CHD1L: variants seen among roughly 807,000 people sequenced by gnomAD.
CHD1L encodes ATP-dependent chromatin remodeler CHD1L.
In CHD1L, 118 loss-of-function variants were observed where a neutral mutation model predicts 115.9. The observed-to-expected ratio is 1.02, with a 90% CI of 0.88 to 1.19. The LOEUF is 1.19. CHD1L is among the 50% of genes most tolerant of loss of function. The pLI, the probability that CHD1L is intolerant of heterozygous loss-of-function variation, is 0.00. For synonymous variants in CHD1L, 411 were observed against 387.1 expected, an observed-to-expected ratio of 1.06 and a Z score of -0.72; for missense variants, 1,179 against 1,065.3, an observed-to-expected ratio of 1.11 and a Z score of -1.49.
intron 2 of CHD1L, among the ~76,000 whole-genome samples, chr1:147,253,898 A>G (rs1320574217): frequency 7.2e-5 from 11 of 152,244 alleles, no homozygotes; most frequent in African/African-American, 2.4e-4. Flanking sequence ...CATTATCAAC[A>G]TTGCATAATA....
chr1:147,249,860 T>C (rs782484837), intron 1 of CHD1L, among the ~76,000 whole-genome samples: 20 of 152,156 alleles, frequency 1.3e-4, no homozygotes, highest in Non-Finnish European at 2.5e-4. Flanking sequence ...GTTAGATCTT[T>C]TGTGGTAGTC....
the CHD1L span, chr1:147,208,761 G>T: frequency 9.6e-7 from 1 of 1,039,982 alleles, no homozygotes. Context: ...CTTAATGTAT[G>T]GGTAGAGGTG....
chr1:147,269,270 T>C (rs1334925443), intron 10 of CHD1L, among the ~76,000 whole-genome samples: 2 of 152,212 alleles, frequency 1.3e-5, no homozygotes, highest in Admixed American at 1.3e-4. Context: ...AATTGACACA[T>C]AATGAAGGCT....
intron 15 of CHD1L, 31 bp downstream of exon 15, chr1:147,280,222 C>T (rs782200382): frequency 1.3e-6 from 2 of 1,529,626 alleles, no homozygotes; most frequent in Non-Finnish European, 1.8e-6. Flanking sequence ...GAGCAAATGG[C>T]ACAACCACCC....
the CHD1L span, among the ~76,000 whole-genome samples, chr1:147,191,577 G>T: frequency 6.6e-6 from 1 of 151,890 alleles, no homozygotes; most frequent in Non-Finnish European, 1.5e-5. Flanking sequence ...GTAGATTCTG[G>T]ATATTAGCCC....
chr1:147,273,859 GTT>G (rs2102706770), intron 12 of CHD1L, among the ~76,000 whole-genome samples: 1 of 152,210 alleles, frequency 6.6e-6, no homozygotes, highest in Admixed American at 6.5e-5. Context: ...TATTTAACAG[GTT>G]TCCTTCCAAA....
chr1:147,257,382 C>T (rs1670482146), intron 5 of CHD1L, among the ~76,000 whole-genome samples: 1 of 151,944 alleles, frequency 6.6e-6, no homozygotes, highest in African/African-American at 2.4e-5. Context: ...GATTTCATGA[C>T]TTCTATCTAG....
At chr1:147,205,378 A>G in the CHD1L span, among the ~76,000 whole-genome samples, 4 of 152,210 alleles carry the variant, frequency 2.6e-5, no homozygotes, top group Non-Finnish European at 4.4e-5. Flanking sequence ...TGTGAGATAA[A>G]CTGACATAAT....
intron 10 of CHD1L, among the ~76,000 whole-genome samples, chr1:147,269,593 C>A (rs1479436524): frequency 7.1e-6 from 1 of 141,784 alleles, no homozygotes; most frequent in South Asian, 2.3e-4. Flanking sequence ...CACTGGAACC[C>A]TAGAGGCAGA....
At chr1:147,184,445 T>C in the CHD1L span, 105 of 1,392,686 alleles carry the variant, frequency 7.5e-5, no homozygotes, top group Non-Finnish European at 9.1e-5. This position sits in a 1 kb window ranked among gnomAD's most constrained non-coding sequence, Gnocchi z 4.4. Context: ...TTAAAGTTCT[T>C]TTTCTGTTGC....
the CHD1L span, chr1:147,213,491 C>A: frequency 1.3e-6 from 2 of 1,576,610 alleles, no homozygotes; most frequent in Non-Finnish European, 8.6e-7. Flanking sequence ...AAGTGATAAC[C>A]ACAGGGGACA....
At chr1:147,209,057 G>A in the CHD1L span, 1 of 1,611,088 alleles carries the variant, frequency 6.2e-7, no homozygotes, top group East Asian at 2.2e-5. Context: ...AAAACCTGGG[G>A]CATGGAAGAA....
At chr1:147,274,879 C>T (rs1156529337) in intron 12 of CHD1L, among the ~76,000 whole-genome samples, 1 of 152,178 alleles carries the variant, frequency 6.6e-6, no homozygotes, top group Non-Finnish European at 1.5e-5. Flanking sequence ...CCACTCTTCT[C>T]ATTAACTTTT....
At chr1:147,236,071 A>T in the CHD1L span, among the ~76,000 whole-genome samples, 1 of 152,218 alleles carries the variant, frequency 6.6e-6, no homozygotes, top group African/African-American at 2.4e-5. Flanking sequence ...ACAGCCAGGC[A>T]TGCCAGCTGT....
intron 1 of CHD1L, among the ~76,000 whole-genome samples, chr1:147,250,081 ATTTC>A (rs1667937214): frequency 6.6e-6 from 1 of 151,156 alleles, no homozygotes; most frequent in African/African-American, 2.4e-5. Flanking sequence ...TATATCTTTT[ATTTC>A]TTTGCTGAAA....
chr1:147,219,101 T>G, the CHD1L span, among the ~76,000 whole-genome samples: 4 of 152,226 alleles, frequency 2.6e-5, 1 homozygote, highest in Non-Finnish European at 5.9e-5. Context: ...AATTAGTTAA[T>G]GAATTATGGA....
At chr1:147,261,848 G>A (rs2102498525) in intron 6 of CHD1L, among the ~76,000 whole-genome samples, 1 of 152,222 alleles carries the variant, frequency 6.6e-6, no homozygotes, top group East Asian at 1.9e-4. Context: ...GAGATGGGGA[G>A]GGGGATACTG....
At chr1:147,206,474 T>C in the CHD1L span, among the ~76,000 whole-genome samples, 1 of 152,218 alleles carries the variant, frequency 6.6e-6, no homozygotes, top group African/African-American at 2.4e-5. Context: ...GTATGTTTAT[T>C]GCGGCACTAT....
chr1:147,204,147 C>A, the CHD1L span: 1 of 1,077,604 alleles, frequency 9.3e-7, no homozygotes, highest in Non-Finnish European at 1.4e-6. Flanking sequence ...ATCAATTCTT[C>A]ATCAGTCTTT....
Sources: allele counts gnomAD v4.1 joint callset (sites outside exome capture counted in the v4.1 genomes callset), GRCh38; gene constraint gnomAD v4.1.1; non-coding constraint Gnocchi (gnomAD v3.1); transcripts MANE v1.5; gene names NCBI Gene and HGNC (gene_info 2026-07-23, HGNC 2026-07-21).